CCDC102B: variants seen among roughly 807,000 people sequenced by gnomAD.
CCDC102B encodes coiled-coil domain containing 102B.
A neutral mutation model predicts 57.4 loss-of-function variants in CCDC102B; 75 were observed. The observed-to-expected ratio is 1.31, with a 90% CI of 1.08 to 1.58. The LOEUF (loss-of-function observed/expected upper bound fraction) is 1.58. CCDC102B is among the 40% of genes most tolerant of loss of function. CCDC102B has a pLI of 0.00. For missense variants in CCDC102B, 636 were observed against 582.6 expected, an observed-to-expected ratio of 1.09 and a Z score of -0.94; for synonymous variants, 206 against 201.9, an observed-to-expected ratio of 1.02 and a Z score of -0.17.
chr18:68,725,530 C>T (rs1664991991), intron 2 of CCDC102B, among the ~76,000 whole-genome samples: 2 of 152,122 alleles, frequency 1.3e-5, no homozygotes, highest in South Asian at 4.1e-4. Context: ...GCTCTGTTTC[C>T]TTGACAACTT....
At chr18:69,052,413 T>A (rs760175150) in intron 7 of CCDC102B, among the ~76,000 whole-genome samples, 4 of 151,942 alleles carry the variant, frequency 2.6e-5, no homozygotes, top group Non-Finnish European at 4.4e-5. Flanking sequence ...ATAACAAGTA[T>A]AATCTGGTGA....
rs185846470 is a variant in CCDC102B at position 68,966,649 on chromosome 18, G to A, written c.1264-44285G>A. On this transcript the variant is annotated intron_variant, in intron 6 of 7. Transcript: ENST00000360242. ...TCTATGTGTTGCCGCATTCCCTGCT[G>A]TATCTCATTGTTAATGTTTGTAGTG... Among the ~76,000 whole-genome samples, 294 of 152,246 alleles carry A rather than the reference G, an allele frequency of 1.9e-3. 1 individual carries two copies. The highest frequency in any genetic ancestry group is 2.9e-3 in the Non-Finnish European group (199 of 67,998).
In CCDC102B at chr18:69,016,573, C is replaced by A. The variant is rs74786730; in HGVS notation, c.1434+5469C>A. Among the ~76,000 whole-genome samples, 132 of 152,260 alleles carry A rather than the reference C, an allele frequency of 8.7e-4. 2 individuals carry two copies. The East Asian group carries it at 0.022, about 25-fold the overall frequency. ...TACCTTAGTGTATGGGCTTCAAATGCCTAGGTAATCTTACACACAATTATA... is the reference window on the plus strand; with the variant it reads ...TACCTTAGTGTATGGGCTTCAAATGACTAGGTAATCTTACACACAATTATA... On this transcript the variant is annotated intron_variant, in intron 7 of 7. Transcript: ENST00000360242.
intron 2 of CCDC102B, among the ~76,000 whole-genome samples, chr18:68,745,372 C>T (rs956232330): frequency 6.6e-5 from 10 of 152,096 alleles, no homozygotes; most frequent in Admixed American, 2.6e-4. Context: ...TCTCTCCTGC[C>T]TCCCACACCG....
At chr18:69,047,250 A>G (rs1458353952) in intron 7 of CCDC102B, among the ~76,000 whole-genome samples, 1 of 152,132 alleles carries the variant, frequency 6.6e-6, no homozygotes, top group Non-Finnish European at 1.5e-5. Flanking sequence ...GGCAATCAAT[A>G]AATGTGAATC....
At chr18:68,944,233 C>T (rs544360035) in intron 6 of CCDC102B, among the ~76,000 whole-genome samples, 1 of 152,084 alleles carries the variant, frequency 6.6e-6, no homozygotes, top group African/African-American at 2.4e-5. Flanking sequence ...AAGTCTTATT[C>T]CTATGGGAAA....
intron 2 of CCDC102B, among the ~76,000 whole-genome samples, chr18:68,726,097 C>A (rs374986547): frequency 1.3e-5 from 2 of 152,160 alleles, no homozygotes; most frequent in Non-Finnish European, 2.9e-5. Context: ...ACATTAAAAT[C>A]TCATTAAAAG....
chr18:68,910,304 G>C (rs1434787218), intron 6 of CCDC102B, among the ~76,000 whole-genome samples: 1 of 152,034 alleles, frequency 6.6e-6, no homozygotes, highest in East Asian at 1.9e-4. Context: ...AAATAAATAA[G>C]ATGGGGAATT....
chr18:68,793,540 A>G (rs780702869), upstream of CCDC102B, among the ~76,000 whole-genome samples: 2 of 152,098 alleles, frequency 1.3e-5, no homozygotes, highest in Non-Finnish European at 2.9e-5. Context: ...TCTCTATAAC[A>G]TGTCCGATTC....
intron 1 of CCDC102B, among the ~76,000 whole-genome samples, chr18:68,834,975 T>G (rs941828640): frequency 4.6e-5 from 7 of 152,014 alleles, no homozygotes; most frequent in African/African-American, 1.2e-4. Context: ...ACATAAAATA[T>G]TATATAAGAT....
intron 2 of CCDC102B, among the ~76,000 whole-genome samples, chr18:68,739,354 T>C (rs9949624): frequency 0.12 from 17,687 of 152,226 alleles, 1,197 homozygotes; most frequent in African/African-American, 0.18. Flanking sequence ...CACTGTTTCA[T>C]GAACAAAGCT....
chr18:68,973,098 G>A (rs1402665032), intron 6 of CCDC102B, among the ~76,000 whole-genome samples: 2 of 151,992 alleles, frequency 1.3e-5, no homozygotes, highest in Non-Finnish European at 2.9e-5. Context: ...TTTTCATATC[G>A]CTACAGTATG....
rs145176006 is a variant in CCDC102B, at chr18:68,960,544, A to G, written c.1264-50390A>G. ...GTTTCACGGAGTGGTGTGAACCTCAAGTACACTGGCTCAGAGCCCAGCACA... is the reference window on the plus strand; with the variant it reads ...GTTTCACGGAGTGGTGTGAACCTCAGGTACACTGGCTCAGAGCCCAGCACA... On this transcript the variant is annotated intron_variant, in intron 6 of 7. Transcript: ENST00000360242. Among the ~76,000 whole-genome samples the G allele has an allele frequency of 6.0e-3, 915 of 152,278 alleles. 13 individuals are homozygous for G. Among genetic ancestry groups the G allele is most frequent in the African/African-American group, 0.021 (864 of 41,558 alleles).
intron 3 of CCDC102B, among the ~76,000 whole-genome samples, chr18:68,840,261 A>T (rs544761339): frequency 1.3e-5 from 2 of 152,210 alleles, no homozygotes; most frequent in Non-Finnish European, 2.9e-5. Flanking sequence ...AATGTATTAT[A>T]TAAGTATATA....
At chr18:68,802,962 A>G (rs1490280134) in intron 1 of CCDC102B, among the ~76,000 whole-genome samples, 1 of 152,184 alleles carries the variant, frequency 6.6e-6, no homozygotes, top group African/African-American at 2.4e-5. Context: ...GTAAATCTTC[A>G]TCTTTTGTAT....
intron 1 of CCDC102B, among the ~76,000 whole-genome samples, chr18:68,833,876 A>C (rs1173987087): frequency 6.6e-6 from 1 of 152,180 alleles, no homozygotes; most frequent in African/African-American, 2.4e-5. Context: ...ACAATGCAAA[A>C]ATCGGTACAA....
rs1358347310 is a variant in CCDC102B at position 68,956,455 on chromosome 18, T to C, written c.1264-54479T>C. Among the ~76,000 whole-genome samples, 2 of 9,104 alleles carry C rather than the reference T, an allele frequency of 2.2e-4. 1 individual carries two copies. The highest frequency in any genetic ancestry group is 3.6e-4 in the Non-Finnish European group (2 of 5,490). 6.0% of individuals were successfully genotyped at this position (9,104 alleles called of 152,430 possible). On this transcript the variant is annotated intron_variant, in intron 6 of 7. Coordinates refer to ENST00000360242, the MANE Select transcript of CCDC102B (RefSeq NM_024781.3). ...CATTTTATATATATTATATATATTA[T>C]ATATTTTATATATATATTATATATA... is the stretch of plus-strand genomic sequence containing the variant.
rs573357651 is a variant in CCDC102B at position 68,824,024 on chromosome 18, C to A, written c.-15-12725C>A. Among the ~76,000 whole-genome samples the A allele has an allele frequency of 3.3e-5, 5 of 151,192 alleles. No individual in the cohort carries two copies. The South Asian group carries it at 1.0e-3, about 32-fold the overall frequency. ...CGGCTATTTACTCTGTTGATAGGTT[C>A]TTTTGCTGTGCAAAAGCTCTTTAAT... is the stretch of plus-strand genomic sequence containing the variant. On this transcript the variant is annotated intron_variant, in intron 1 of 7. Transcript: ENST00000360242.
At chr18:68,964,044 G>A (rs1447217278) in intron 6 of CCDC102B, among the ~76,000 whole-genome samples, 1 of 151,806 alleles carries the variant, frequency 6.6e-6, no homozygotes, top group Admixed American at 6.6e-5. Context: ...ATAACAAATG[G>A]TGTCTGTCTT....
Sources: gnomAD v4.1 joint callset for allele counts (sites outside exome capture counted in the v4.1 genomes callset) on GRCh38, gnomAD v4.1.1 for gene constraint, MANE v1.5 for transcripts, NCBI Gene and HGNC (gene_info 2026-07-23, HGNC 2026-07-21) for gene names.